The following GRIP1 variants were observed in gnomAD, a reference collection of about 807,000 sequenced individuals.
The protein encoded by GRIP1 is glutamate receptor interacting protein 1.
In GRIP1, 45 loss-of-function variants were observed where a neutral mutation model predicts 129.9. The ratio of observed to expected loss-of-function variants is 0.35; its 90% CI spans 0.27 to 0.44. The LOEUF (loss-of-function observed/expected upper bound fraction) is 0.44, where lower values mean the gene tolerates loss of function less well. GRIP1 is among the 20% of genes least tolerant of loss of function. The pLI is 1.00. For synonymous variants in GRIP1, 530 were observed against 520.8 expected (o/e 1.02, Z -0.24); for missense variants, 1,196 against 1,396.8 (o/e 0.86, Z 2.29).
chr12:67,051,399 C>A (rs1035668976), intron 1 of GRIP1, among the ~76,000 whole-genome samples: 1 of 152,152 alleles, frequency 6.6e-6, no homozygotes, highest in East Asian at 1.9e-4. Context: ...AATTAACTAG[C>A]ACCATGTTCC....
At chr12:66,955,225 G>A (rs1266419884) in intron 1 of GRIP1, among the ~76,000 whole-genome samples, 1 of 152,110 alleles carries the variant, frequency 6.6e-6, no homozygotes, top group Non-Finnish European at 1.5e-5. Flanking sequence ...AACACAGATT[G>A]CTGAGCCTGA....
intron 1 of GRIP1, among the ~76,000 whole-genome samples, chr12:67,013,129 G>A (rs1174588031): frequency 6.6e-6 from 1 of 152,132 alleles, no homozygotes; most frequent in African/African-American, 2.4e-5. Flanking sequence ...GTTGAGGAAA[G>A]AAAATATCAG....
At chr12:66,639,017 C>A (rs568480827) in intron 1 of GRIP1, among the ~76,000 whole-genome samples, 2 of 152,152 alleles carry the variant, frequency 1.3e-5, no homozygotes, top group East Asian at 3.9e-4. Context: ...AATCTAATTG[C>A]AGTTTAATAG....
intron 7 of GRIP1, among the ~76,000 whole-genome samples, chr12:66,481,978 TAGG>T (rs1276731984): frequency 1.3e-5 from 2 of 152,068 alleles, no homozygotes; most frequent in Non-Finnish European, 2.9e-5. Flanking sequence ...GGGATAGCAT[TAGG>T]AGAAGTACCT....
At chr12:66,545,352 A>G (rs2061915542) in intron 2 of GRIP1, among the ~76,000 whole-genome samples, 1 of 152,218 alleles carries the variant, frequency 6.6e-6, no homozygotes, top group Non-Finnish European at 1.5e-5. Context: ...GTTGGCAAAC[A>G]CAAGAGAATT....
intron 1 of GRIP1, among the ~76,000 whole-genome samples, chr12:66,937,401 T>G (rs1252423397): frequency 6.6e-6 from 1 of 152,248 alleles, no homozygotes; most frequent in South Asian, 2.1e-4. Flanking sequence ...GTGTGTCCAC[T>G]GCTTTATCCT....
chr12:66,354,576 T>G (rs1465080401), intron 23 of GRIP1, among the ~76,000 whole-genome samples: 1 of 152,212 alleles, frequency 6.6e-6, no homozygotes, highest in African/African-American at 2.4e-5. Flanking sequence ...TTGTGCCAGA[T>G]GCCCTCCACA....
chr12:66,833,679 A>G (rs2137025394), intron 1 of GRIP1, among the ~76,000 whole-genome samples: 1 of 152,290 alleles, frequency 6.6e-6, no homozygotes, highest in Middle Eastern at 3.4e-3. Flanking sequence ...TGTTGTCATC[A>G]TTAATATTGG....
At chr12:67,045,279 T>A (rs989681140) in intron 1 of GRIP1, among the ~76,000 whole-genome samples, 1 of 152,130 alleles carries the variant, frequency 6.6e-6, no homozygotes, top group Non-Finnish European at 1.5e-5. Context: ...GAAATAGGGA[T>A]AAGGACAGGA....
intron 1 of GRIP1, among the ~76,000 whole-genome samples, chr12:66,826,361 T>C (rs908660112): frequency 6.6e-6 from 1 of 152,038 alleles, no homozygotes; most frequent in Admixed American, 6.6e-5. Flanking sequence ...AGATGACGGG[T>C]TGATGGGTGC....
chr12:66,981,309 T>G (rs2042239805), intron 1 of GRIP1, among the ~76,000 whole-genome samples: 1 of 152,052 alleles, frequency 6.6e-6, no homozygotes. Flanking sequence ...TTTGTGTTCA[T>G]TGTTACTTCT....
chr12:66,655,837 G>A (rs2033123673), intron 1 of GRIP1, among the ~76,000 whole-genome samples: 1 of 151,996 alleles, frequency 6.6e-6, no homozygotes, highest in Non-Finnish European at 1.5e-5. Flanking sequence ...CTGACCTTGT[G>A]ATCTGCCCGT....
chr12:66,394,471 A>G, intron 16 of GRIP1, 119 bp from the exon 17 acceptor site: 1 of 867,080 alleles, frequency 1.2e-6, no homozygotes, highest in Non-Finnish European at 1.9e-6. Context: ...TGTCACAGAA[A>G]ATAATTATTT....
At chr12:66,954,970 A>G (rs112298739) in intron 1 of GRIP1, among the ~76,000 whole-genome samples, 1,619 of 152,308 alleles carry the variant, frequency 0.011, 26 homozygotes, top group African/African-American at 0.037. Context: ...CCTCATTGAT[A>G]AAGTGCCACT....
At chr12:66,855,706 A>G (rs1458758413) in intron 1 of GRIP1, among the ~76,000 whole-genome samples, 2 of 152,036 alleles carry the variant, frequency 1.3e-5, no homozygotes, top group African/African-American at 2.4e-5. Context: ...CCCAATGCTA[A>G]TAACTAAATA....
intron 1 of GRIP1, among the ~76,000 whole-genome samples, chr12:66,927,693 C>T (rs566953046): frequency 6.6e-6 from 1 of 152,156 alleles, no homozygotes; most frequent in South Asian, 2.1e-4. Flanking sequence ...GGTTACCCAC[C>T]TCGTATCCAC....
chr12:66,697,281 A>G (rs1029991936), intron 1 of GRIP1, among the ~76,000 whole-genome samples: 2 of 152,208 alleles, frequency 1.3e-5, no homozygotes, highest in African/African-American at 4.8e-5. Context: ...CAAGGGAAAT[A>G]TAAAAATGAC....
intron 1 of GRIP1, among the ~76,000 whole-genome samples, chr12:66,753,072 C>G (rs2037177200): frequency 6.6e-6 from 1 of 152,090 alleles, no homozygotes; most frequent in African/African-American, 2.4e-5. Flanking sequence ...CAGCCCCTAC[C>G]CACCAATGCT....
chr12:66,715,818 A>G (rs183944260), intron 1 of GRIP1, among the ~76,000 whole-genome samples: 70 of 152,220 alleles, frequency 4.6e-4, no homozygotes, highest in African/African-American at 1.7e-3. Flanking sequence ...AGAAGGGAAG[A>G]AATGGTGACT....
Sources: allele counts gnomAD v4.1 joint callset (sites outside exome capture counted in the v4.1 genomes callset), GRCh38; gene constraint gnomAD v4.1.1; transcripts MANE v1.5; gene names NCBI Gene and HGNC (gene_info 2026-07-23, HGNC 2026-07-21).